Variants in GALNT13 observed in about 807,000 individuals in gnomAD.
GALNT13 encodes the protein polypeptide N-acetylgalactosaminyltransferase 13.
GALNT13 carries 28 observed loss-of-function variants against 64.2 expected under a neutral mutation model. The ratio of observed to expected loss-of-function variants is 0.44; its 90% CI spans 0.32 to 0.60. The LOEUF is 0.60. GALNT13 is among the 20% of genes least tolerant of loss of function. The probability of loss-of-function intolerance (pLI) is 0.05; values close to 1 mark genes in which losing one functional copy is unlikely to be tolerated. For missense variants in GALNT13, 577 were observed against 669.8 expected, an observed-to-expected ratio of 0.86 and a Z score of 1.53; for synonymous variants, 214 against 224.6, an observed-to-expected ratio of 0.95 and a Z score of 0.42.
At chr2:153,108,911 T>A in the GALNT13 span, among the ~76,000 whole-genome samples, 45 of 152,266 alleles carry the variant, frequency 3.0e-4, no homozygotes, top group African/African-American at 1.1e-3. Context: ...GTAGTATATG[T>A]GGGAGTTGCA....
At chr2:153,166,527 A>G in the GALNT13 span, among the ~76,000 whole-genome samples, 2 of 151,796 alleles carry the variant, frequency 1.3e-5, no homozygotes, top group Non-Finnish European at 2.9e-5. Flanking sequence ...CATGTGAGGC[A>G]CTCCTGGATG....
the GALNT13 span, among the ~76,000 whole-genome samples, chr2:153,305,211 T>C: frequency 6.6e-6 from 1 of 152,124 alleles, no homozygotes; most frequent in African/African-American, 2.4e-5. Flanking sequence ...ACCTTATCAG[T>C]ATTCTGTGAT....
At chr2:153,486,256 T>C in the GALNT13 span, among the ~76,000 whole-genome samples, 2 of 152,300 alleles carry the variant, frequency 1.3e-5, no homozygotes, top group East Asian at 3.9e-4. Context: ...TTAATGAAAT[T>C]TGTAAACTTT....
At chr2:153,252,557 C>A in the GALNT13 span, among the ~76,000 whole-genome samples, 1 of 151,480 alleles carries the variant, frequency 6.6e-6, no homozygotes, top group African/African-American at 2.4e-5. Context: ...ATGCCTATGT[C>A]CTGAATGGTA....
chr2:154,427,150 A>G (rs775521306), intron 11 of GALNT13, among the ~76,000 whole-genome samples: 1 of 152,212 alleles, frequency 6.6e-6, no homozygotes, highest in Non-Finnish European at 1.5e-5. Flanking sequence ...TCAGTCTGTA[A>G]AATAGCCTAT....
intron 8 of GALNT13, among the ~76,000 whole-genome samples, chr2:154,274,148 AC>A (rs1356811431): frequency 6.6e-6 from 1 of 152,142 alleles, no homozygotes; most frequent in Non-Finnish European, 1.5e-5. Flanking sequence ...GATGGCATAT[AC>A]GCAAGGTGTG....
intron 2 of GALNT13, among the ~76,000 whole-genome samples, chr2:153,936,752 A>G (rs896981223): frequency 2.6e-5 from 4 of 150,952 alleles, no homozygotes; most frequent in East Asian, 1.9e-4. Context: ...AGACAGTCTC[A>G]CTCTGTCACC....
At chr2:153,806,360 A>G in the GALNT13 span, among the ~76,000 whole-genome samples, 1 of 152,268 alleles carries the variant, frequency 6.6e-6, no homozygotes, top group African/African-American at 2.4e-5. Flanking sequence ...TACTATATTG[A>G]CAACAGATCA....
the GALNT13 span, among the ~76,000 whole-genome samples, chr2:153,266,299 T>C: frequency 6.6e-6 from 1 of 152,226 alleles, no homozygotes; most frequent in East Asian, 1.9e-4. Context: ...TTCGTAGTAT[T>C]TGACAACGTT....
At chr2:154,395,100 G>A (rs1266410542) in intron 9 of GALNT13, among the ~76,000 whole-genome samples, 1 of 152,164 alleles carries the variant, frequency 6.6e-6, no homozygotes, top group Non-Finnish European at 1.5e-5. Context: ...GTGCCAGCAT[G>A]TTGCATAGTG....
intron 8 of GALNT13, among the ~76,000 whole-genome samples, chr2:154,301,070 G>A (rs1017060075): frequency 1.3e-5 from 2 of 152,102 alleles, no homozygotes; most frequent in African/African-American, 4.8e-5. Context: ...TTTGACAATG[G>A]CATGTAACAT....
intron 3 of GALNT13, among the ~76,000 whole-genome samples, chr2:154,066,216 C>G (rs957575798): frequency 6.6e-6 from 1 of 152,046 alleles, no homozygotes; most frequent in Non-Finnish European, 1.5e-5. Context: ...GATTGAAGCA[C>G]ACCTACAGGA....
intron 2 of GALNT13, among the ~76,000 whole-genome samples, chr2:153,916,165 C>CTTTTTT (rs11375177): frequency 7.6e-6 from 1 of 132,142 alleles, no homozygotes; most frequent in African/African-American, 2.9e-5. Flanking sequence ...TTTTCTTTTT[C>CTTTTTT]TTTTTTTTTT....
At chr2:154,232,262 A>G (rs1688956858) in intron 4 of GALNT13, among the ~76,000 whole-genome samples, 1 of 152,178 alleles carries the variant, frequency 6.6e-6, no homozygotes, top group African/African-American at 2.4e-5. Flanking sequence ...AATATGTAGT[A>G]GCACATTTAC....
chr2:153,757,425 G>T, the GALNT13 span, among the ~76,000 whole-genome samples: 9 of 152,124 alleles, frequency 5.9e-5, no homozygotes, highest in African/African-American at 2.2e-4. Context: ...ACTGATGAAG[G>T]TTTATTCCAA....
the GALNT13 span, among the ~76,000 whole-genome samples, chr2:153,300,376 A>C: frequency 6.6e-6 from 1 of 152,190 alleles, no homozygotes; most frequent in Non-Finnish European, 1.5e-5. Flanking sequence ...CAGAAGGGTG[A>C]AAAAGAAAAC....
At chr2:154,133,137 G>A (rs1168872313) in intron 3 of GALNT13, among the ~76,000 whole-genome samples, 1 of 152,118 alleles carries the variant, frequency 6.6e-6, no homozygotes, top group Non-Finnish European at 1.5e-5. Flanking sequence ...GGAAGAGATT[G>A]TGAGCAAGAA....
At chr2:153,144,439 T>G in the GALNT13 span, among the ~76,000 whole-genome samples, 92 of 152,060 alleles carry the variant, frequency 6.1e-4, no homozygotes, top group South Asian at 1.0e-3. Context: ...TAAGTCTTCT[T>G]GGGCTCTAAA....
At chr2:153,578,717 G>A in the GALNT13 span, among the ~76,000 whole-genome samples, 1 of 152,170 alleles carries the variant, frequency 6.6e-6, no homozygotes, top group Non-Finnish European at 1.5e-5. Context: ...GAGTTCCAGG[G>A]ACTGAAAGTT....
Sources: gnomAD v4.1 joint callset for allele counts (sites outside exome capture counted in the v4.1 genomes callset) on GRCh38, gnomAD v4.1.1 for gene constraint, MANE v1.5 for transcripts, NCBI Gene and HGNC (gene_info 2026-07-23, HGNC 2026-07-21) for gene names.